The following CCSER1 variants were observed in gnomAD, a reference collection of about 807,000 sequenced individuals.
CCSER1 encodes serine-rich coiled-coil domain-containing protein 1.
A neutral mutation model predicts 82.0 loss-of-function variants in CCSER1; 41 were observed. That is an observed-to-expected ratio of 0.50 (90% CI 0.39 to 0.65). The LOEUF (loss-of-function observed/expected upper bound fraction) is 0.65, where lower values mean the gene tolerates loss of function less well. Among genes scored for constraint, CCSER1 ranks in the 30% least tolerant of loss-of-function variants. CCSER1 has a pLI of 0.00. For missense variants in CCSER1, 1,119 were observed against 1,064.2 expected, an observed-to-expected ratio of 1.05 and a Z score of -0.72; for synonymous variants, 414 against 383.9, an observed-to-expected ratio of 1.08 and a Z score of -0.92.
chr4:90,411,162 C>G (rs1182155146), intron 4 of CCSER1, among the ~76,000 whole-genome samples: 1 of 152,094 alleles, frequency 6.6e-6, no homozygotes, highest in Non-Finnish European at 1.5e-5. Flanking sequence ...AGTCCAGGAC[C>G]AGATGGATTC....
intron 10 of CCSER1, among the ~76,000 whole-genome samples, chr4:91,505,762 G>T (rs964269394): frequency 6.6e-6 from 1 of 152,074 alleles, no homozygotes; most frequent in African/African-American, 2.4e-5. Flanking sequence ...GTCTCTTCAT[G>T]TCCTTTGCTC....
At chr4:91,466,980 T>G (rs1756950457) in intron 10 of CCSER1, among the ~76,000 whole-genome samples, 2 of 152,314 alleles carry the variant, frequency 1.3e-5, no homozygotes, top group African/African-American at 4.8e-5. Context: ...CCAATGACTT[T>G]CTTCACAGAA....
intron 9 of CCSER1, among the ~76,000 whole-genome samples, chr4:90,974,668 C>G (rs889034065): frequency 1.3e-5 from 2 of 151,380 alleles, no homozygotes; most frequent in African/African-American, 4.8e-5. Context: ...CAGTGAAATA[C>G]TTCATAACCA....
At chr4:91,546,591 CTTCTAT>C (rs1488640306) in intron 10 of CCSER1, among the ~76,000 whole-genome samples, 4 of 151,972 alleles carry the variant, frequency 2.6e-5, no homozygotes, top group Non-Finnish European at 5.9e-5. Flanking sequence ...TATGCCACCT[CTTCTAT>C]TTCTAATTTT....
intron 1 of CCSER1, among the ~76,000 whole-genome samples, chr4:90,145,866 T>A (rs1206724001): frequency 6.6e-6 from 1 of 152,112 alleles, no homozygotes; most frequent in Non-Finnish European, 1.5e-5. Flanking sequence ...AATTTTCATA[T>A]AATGCTGATC....
At chr4:91,549,523 A>G (rs761039702) in intron 10 of CCSER1, among the ~76,000 whole-genome samples, 2 of 151,952 alleles carry the variant, frequency 1.3e-5, no homozygotes, top group African/African-American at 2.4e-5. Flanking sequence ...GATGCATTCA[A>G]TCATACTATT....
At chr4:91,434,402 A>G (rs1009547328) in intron 10 of CCSER1, among the ~76,000 whole-genome samples, 7 of 152,230 alleles carry the variant, frequency 4.6e-5, no homozygotes, top group Non-Finnish European at 1.0e-4. Flanking sequence ...CAGAGAAGCC[A>G]TAAAATACTT....
At chr4:90,589,751 C>T (rs1037062916) in intron 5 of CCSER1, among the ~76,000 whole-genome samples, 3 of 152,072 alleles carry the variant, frequency 2.0e-5, no homozygotes, top group Non-Finnish European at 4.4e-5. Flanking sequence ...TTTACTTTTG[C>T]AGAAGGTGCA....
chr4:90,385,644 G>A (rs1749922631), intron 3 of CCSER1, among the ~76,000 whole-genome samples: 1 of 151,528 alleles, frequency 6.6e-6, no homozygotes, highest in African/African-American at 2.4e-5. Flanking sequence ...TATTTTTTTG[G>A]TAGAGACAGG....
chr4:91,107,315 C>T (rs1205159365), intron 10 of CCSER1, among the ~76,000 whole-genome samples: 5 of 152,054 alleles, frequency 3.3e-5, no homozygotes, highest in Non-Finnish European at 2.9e-5. Context: ...AGTGCAGTGG[C>T]GTGATCTTGG....
intron 6 of CCSER1, among the ~76,000 whole-genome samples, chr4:90,713,013 C>A (rs1363100058): frequency 6.6e-6 from 1 of 151,220 alleles, no homozygotes; most frequent in Non-Finnish European, 1.5e-5. Context: ...TTCCTCCATC[C>A]CTTAATTTTG....
chr4:90,802,275 A>G (rs1756938115), intron 7 of CCSER1, among the ~76,000 whole-genome samples: 1 of 147,998 alleles, frequency 6.8e-6, no homozygotes, highest in Non-Finnish European at 1.5e-5. Flanking sequence ...TATATATTAT[A>G]TGTAAATATA....
intron 7 of CCSER1, among the ~76,000 whole-genome samples, chr4:90,749,714 C>G (rs1748237155): frequency 6.6e-6 from 1 of 151,964 alleles, no homozygotes; most frequent in Admixed American, 6.6e-5. Context: ...GGGTTGGTTC[C>G]AAGTCTTTGC....
Position 91,603,428 on chromosome 4 carries a change from T to C in CCSER1, c.*4371T>C, listed in dbSNP as rs146195539. The C allele has an allele frequency of 3.3e-4, 50 of 152,202 alleles. No homozygotes were observed. The East Asian group carries it at 9.1e-3, about 28-fold the overall frequency. 9.4% of individuals were successfully genotyped at this position (152,202 alleles called of 1,614,324 possible). On this transcript the variant is annotated 3_prime_UTR_variant, in exon 11 of 11. Transcript: ENST00000509176. The stretch of plus-strand genomic sequence containing the variant: ...AGATGATAACACTCTGTGGTTGAAT[T>C]ACCTATGGAAAAGAATGAAGGCAGT...
At chr4:91,289,651 G>A (rs992128533) in intron 10 of CCSER1, among the ~76,000 whole-genome samples, 1 of 151,792 alleles carries the variant, frequency 6.6e-6, no homozygotes, top group Non-Finnish European at 1.5e-5. Context: ...AATAGAAATT[G>A]CCCAACTGAA....
chr4:90,156,548 T>C (rs1028673534), intron 1 of CCSER1, among the ~76,000 whole-genome samples: 10 of 152,200 alleles, frequency 6.6e-5, no homozygotes, highest in African/African-American at 2.4e-4. Flanking sequence ...TTTATGAATC[T>C]GGGTGCTCCT....
rs565088233 is a variant in CCSER1 at position 91,252,609 on chromosome 4, G to T, written c.2217+166615G>T. ...AGTTTAATGACTAATGCATTTAGAA[G>T]AATTATTTTTTAATATGTTGGTCAT... On this transcript the variant is annotated intron_variant, in intron 10 of 10. Coordinates refer to ENST00000509176, the MANE Select transcript of CCSER1 (RefSeq NM_001145065.2). Among the ~76,000 whole-genome samples, 89 of 152,204 alleles carry T rather than the reference G, an allele frequency of 5.8e-4. 2 individuals are homozygous for T. In the South Asian group the frequency reaches 0.018, roughly 30 times the overall value.
At chr4:90,500,725 C>T (rs1323071275) in intron 5 of CCSER1, among the ~76,000 whole-genome samples, 2 of 147,586 alleles carry the variant, frequency 1.4e-5, no homozygotes, top group Non-Finnish European at 3.0e-5. Context: ...AACAAACAAG[C>T]AAGAAAACAA....
intron 6 of CCSER1, among the ~76,000 whole-genome samples, chr4:90,662,297 G>A (rs574561570): frequency 8.8e-4 from 134 of 151,980 alleles, no homozygotes; most frequent in Middle Eastern, 3.4e-3. Context: ...ATGCCTGGCC[G>A]TCCTATACTA....
Sources: allele counts gnomAD v4.1 joint callset (sites outside exome capture counted in the v4.1 genomes callset), GRCh38; gene constraint gnomAD v4.1.1; transcripts MANE v1.5; gene names NCBI Gene and HGNC (gene_info 2026-07-23, HGNC 2026-07-21).